Variants in HTR2C observed in about 807,000 individuals in gnomAD.
HTR2C encodes 5-hydroxytryptamine (serotonin) receptor 2C, G protein-coupled.
A neutral mutation model predicts 21.0 loss-of-function variants in HTR2C; 5 were observed. That is an observed-to-expected ratio of 0.24 (90% CI 0.12 to 0.50). The LOEUF is 0.50. Among genes scored for constraint, HTR2C ranks in the 20% least tolerant of loss-of-function variants. The pLI is 0.98. For missense variants in HTR2C, 271 were observed against 371.2 expected (o/e 0.73, Z 2.22); for synonymous variants, 150 against 145.3 (o/e 1.03, Z -0.23).
intron 2 of HTR2C, among the ~76,000 whole-genome samples, chrX:114,693,820 G>A: frequency 8.9e-6 from 1 of 111,749 alleles, no homozygotes; most frequent in Non-Finnish European, 1.9e-5. Context: ...TGAACGTCAT[G>A]GGAAGAACAG....
At chrX:114,827,947 A>T (rs972591624) in intron 4 of HTR2C, among the ~76,000 whole-genome samples, 9 of 109,979 alleles carry the variant, frequency 8.2e-5, no homozygotes, top group Non-Finnish European at 1.7e-4. Context: ...TGGTTTAAAC[A>T]TTTGAGTTTT....
chrX:114,869,475 G>A (rs1380104104), intron 5 of HTR2C, among the ~76,000 whole-genome samples: 1 of 111,794 alleles, frequency 8.9e-6, no homozygotes, highest in East Asian at 2.8e-4. Context: ...TTCACTGTTG[G>A]CATATAGAAA....
At chrX:114,897,416 A>G (rs1556484308) in intron 5 of HTR2C, among the ~76,000 whole-genome samples, 1 of 108,475 alleles carries the variant, frequency 9.2e-6, no homozygotes, top group African/African-American at 3.4e-5. Flanking sequence ...TCCAAATTTT[A>G]TTTTAAGTTC....
chrX:114,777,613 A>G (rs1231958954), intron 4 of HTR2C, among the ~76,000 whole-genome samples: 1 of 111,521 alleles, frequency 9.0e-6, no homozygotes, highest in Non-Finnish European at 1.9e-5. Context: ...GCTGGAGTGC[A>G]GTGACACAAT....
At chrX:114,831,144 G>A (rs1387667006) in intron 4 of HTR2C, among the ~76,000 whole-genome samples, 1 of 93,594 alleles carries the variant, frequency 1.1e-5, no homozygotes, top group Non-Finnish European at 2.1e-5. Flanking sequence ...TGTGAATAAT[G>A]CCGCAATAAA....
chrX:114,856,120 A>G (rs191886160), intron 5 of HTR2C, among the ~76,000 whole-genome samples: 3 of 109,964 alleles, frequency 2.7e-5, no homozygotes, highest in African/African-American at 9.9e-5. Flanking sequence ...CAACTTCAGC[A>G]AAGTCCAGGA....
At chrX:114,800,079 G>A (rs1556446393) in intron 4 of HTR2C, among the ~76,000 whole-genome samples, 2 of 110,530 alleles carry the variant, frequency 1.8e-5, no homozygotes, top group Admixed American at 9.8e-5. Flanking sequence ...CAGAAAAGAG[G>A]AGATAAGGCT....
intron 4 of HTR2C, among the ~76,000 whole-genome samples, chrX:114,825,844 C>T (rs1041774182): frequency 9.0e-6 from 1 of 111,193 alleles, no homozygotes; most frequent in Non-Finnish European, 1.9e-5. Flanking sequence ...GTATTATAAA[C>T]GTTTAGGACT....
At chrX:114,612,748 G>A (rs1928788626) in intron 1 of HTR2C, among the ~76,000 whole-genome samples, 1 of 110,877 alleles carries the variant, frequency 9.0e-6, no homozygotes, top group African/African-American at 3.3e-5. Context: ...GACGAACACT[G>A]ACTTACCTGC....
chrX:114,834,541 T>G (rs1395598062), intron 4 of HTR2C, among the ~76,000 whole-genome samples: 1 of 110,767 alleles, frequency 9.0e-6, no homozygotes, highest in African/African-American at 3.3e-5. Context: ...TTTCTTTTTT[T>G]GTTTTCCATT....
intron 4 of HTR2C, among the ~76,000 whole-genome samples, chrX:114,839,736 T>G (rs1362854711): frequency 1.8e-5 from 2 of 110,223 alleles, no homozygotes; most frequent in Non-Finnish European, 3.8e-5. Flanking sequence ...AAGTCTTCAG[T>G]TTTTATGGCC....
chrX:114,810,471 A>G (rs1246138457), intron 4 of HTR2C, among the ~76,000 whole-genome samples: 7 of 108,669 alleles, frequency 6.4e-5, no homozygotes. Flanking sequence ...ATTTGCCTCT[A>G]GCTAGGGCTC....
At chrX:114,639,682 T>A (rs1556406040) in intron 2 of HTR2C, among the ~76,000 whole-genome samples, 1 of 112,223 alleles carries the variant, frequency 8.9e-6, no homozygotes, top group East Asian at 2.8e-4. Context: ...TCAGGCCATT[T>A]CTTCTAAACA....
At chrX:114,623,502 T>C (rs1338781046) in intron 2 of HTR2C, among the ~76,000 whole-genome samples, 1 of 112,299 alleles carries the variant, frequency 8.9e-6, no homozygotes, top group Non-Finnish European at 1.9e-5. Flanking sequence ...TAAAACCGTA[T>C]AAATTTTCTC....
At chrX:114,702,531 G>A (rs1298278497) in intron 2 of HTR2C, among the ~76,000 whole-genome samples, 1 of 110,969 alleles carries the variant, frequency 9.0e-6, no homozygotes, top group Non-Finnish European at 1.9e-5. Flanking sequence ...GTCACCACCA[G>A]GCCTGCCCTA....
intron 2 of HTR2C, among the ~76,000 whole-genome samples, chrX:114,714,689 G>A (rs1227675073): frequency 5.4e-5 from 6 of 112,101 alleles, no homozygotes; most frequent in East Asian, 2.8e-4. Context: ...GTAAAACAGC[G>A]TAGAATAATG....
intron 4 of HTR2C, among the ~76,000 whole-genome samples, chrX:114,806,451 GTA>G (rs1252572118): frequency 6.9e-5 from 5 of 72,075 alleles, no homozygotes; most frequent in African/African-American, 6.4e-5. Context: ...TATATATACT[GTA>G]TATATATACA....
At chrX:114,793,959 G>C (rs1365025612) in intron 4 of HTR2C, among the ~76,000 whole-genome samples, 1 of 110,692 alleles carries the variant, frequency 9.0e-6, no homozygotes, top group Non-Finnish European at 1.9e-5. Context: ...AAAATGGTGA[G>C]AATAGCGAGT....
intron 4 of HTR2C, among the ~76,000 whole-genome samples, chrX:114,750,092 G>A (rs1032329488): frequency 9.0e-6 from 1 of 111,563 alleles, no homozygotes; most frequent in African/African-American, 3.3e-5. Context: ...ACGCATCTGT[G>A]TGTAAGTGCA....
Sources: gnomAD v4.1 joint callset for allele counts (sites outside exome capture counted in the v4.1 genomes callset) on GRCh38, gnomAD v4.1.1 for gene constraint, MANE v1.5 for transcripts, NCBI Gene and HGNC (gene_info 2026-07-23, HGNC 2026-07-21) for gene names.